CCSER1: variants seen among roughly 807,000 people sequenced by gnomAD.
The protein encoded by CCSER1 is coiled-coil serine rich protein 1, also known as serine-rich coiled-coil domain-containing protein 1.
In CCSER1, 41 loss-of-function variants were observed where a neutral mutation model predicts 82.0. The ratio of observed to expected loss-of-function variants is 0.50; its 90% CI spans 0.39 to 0.65. The LOEUF (loss-of-function observed/expected upper bound fraction) is 0.65, where lower values mean the gene tolerates loss of function less well. CCSER1 is among the 30% of genes least tolerant of loss of function. The pLI is 0.00. For synonymous variants in CCSER1, 414 were observed against 383.9 expected, an observed-to-expected ratio of 1.08 and a Z score of -0.92; for missense variants, 1,119 against 1,064.2, an observed-to-expected ratio of 1.05 and a Z score of -0.72.
At chr4:91,411,491 C>CATATATGTATAT (rs1753021920) in intron 10 of CCSER1, among the ~76,000 whole-genome samples, 1 of 53,812 alleles carries the variant, frequency 1.9e-5, no homozygotes, top group African/African-American at 8.0e-5. Flanking sequence ...TGCATATATA[C>CATATATGTATAT]ATATATATAT....
intron 5 of CCSER1, among the ~76,000 whole-genome samples, chr4:90,627,089 T>C (rs553383718): frequency 2.6e-5 from 4 of 152,306 alleles, no homozygotes; most frequent in African/African-American, 9.6e-5. Context: ...CATAATTTTT[T>C]ATTCCTTATT....
intron 3 of CCSER1, among the ~76,000 whole-genome samples, chr4:90,317,111 G>T (rs921240730): frequency 1.3e-5 from 2 of 152,070 alleles, no homozygotes; most frequent in African/African-American, 4.8e-5. Flanking sequence ...CCAGACTATG[G>T]TATATAAATG....
chr4:91,171,331 G>C (rs748542349), intron 10 of CCSER1, among the ~76,000 whole-genome samples: 1 of 152,112 alleles, frequency 6.6e-6, no homozygotes, highest in Non-Finnish European at 1.5e-5. Context: ...CTAATTGTTT[G>C]TTATAAATAA....
intron 1 of CCSER1, among the ~76,000 whole-genome samples, chr4:90,174,553 T>G (rs1430411691): frequency 1.3e-5 from 2 of 151,986 alleles, no homozygotes; most frequent in Non-Finnish European, 2.9e-5. Flanking sequence ...CCTGGTGGAT[T>G]CTCTGTAATG....
At chr4:90,913,218 T>C (rs574182213) in intron 8 of CCSER1, among the ~76,000 whole-genome samples, 16 of 152,154 alleles carry the variant, frequency 1.1e-4, no homozygotes, top group African/African-American at 2.6e-4. Flanking sequence ...GGAAAAAATG[T>C]TGATGTTAAG....
chr4:90,154,272 G>A (rs1301568408), intron 1 of CCSER1, among the ~76,000 whole-genome samples: 1 of 152,174 alleles, frequency 6.6e-6, no homozygotes, highest in Admixed American at 6.5e-5. Flanking sequence ...TGCTGTTTTG[G>A]TTACTGTAGC....
chr4:91,451,153 AC>A (rs1183320807), intron 10 of CCSER1, among the ~76,000 whole-genome samples: 3 of 152,032 alleles, frequency 2.0e-5, no homozygotes, highest in Non-Finnish European at 4.4e-5. Context: ...GTTTGGGCTT[AC>A]TTTATAAAAT....
At chr4:91,329,089 A>G (rs1234513101) in intron 10 of CCSER1, among the ~76,000 whole-genome samples, 4 of 152,180 alleles carry the variant, frequency 2.6e-5, no homozygotes, top group African/African-American at 9.6e-5. Context: ...TCTCAGTTTT[A>G]TCTTTATTAG....
At chr4:90,303,909 A>T (rs1180513055) in intron 1 of CCSER1, among the ~76,000 whole-genome samples, 3 of 151,980 alleles carry the variant, frequency 2.0e-5, no homozygotes, top group Non-Finnish European at 2.9e-5. Flanking sequence ...TCATCTGACA[A>T]AGGGCTAATA....
At chr4:91,196,144 T>G (rs1142244) in intron 10 of CCSER1, among the ~76,000 whole-genome samples, 3 of 131,196 alleles carry the variant, frequency 2.3e-5, no homozygotes, top group Non-Finnish European at 3.0e-5. Flanking sequence ...CAGAGATTGC[T>G]CCACAGCAGT....
intron 10 of CCSER1, among the ~76,000 whole-genome samples, chr4:91,253,637 A>C (rs1051105765): frequency 1.3e-5 from 2 of 152,232 alleles, no homozygotes; most frequent in African/African-American, 4.8e-5. Context: ...ATAAGATATA[A>C]AAATTTAAAC....
chr4:90,209,769 GTT>G (rs558737681), intron 1 of CCSER1, among the ~76,000 whole-genome samples: 4 of 129,044 alleles, frequency 3.1e-5, no homozygotes, highest in Non-Finnish European at 5.1e-5. Flanking sequence ...TTTGTCTAGT[GTT>G]TTTTTTTTTT....
rs10023708 is a variant in CCSER1 at position 90,282,573 on chromosome 4, A to G, written c.-41-25671A>G. On this transcript the variant is annotated intron_variant, in intron 1 of 10. Transcript: ENST00000509176. ...TGAGTGGTTAAATAAATGTAAGTAT[A>G]AATATAGAACTAAACTTGAGGCTTA... Among the ~76,000 whole-genome samples the G allele has an allele frequency of 6.4e-3, 969 of 151,986 alleles. 9 individuals are homozygous for G. Among genetic ancestry groups the G allele is most frequent in the African/African-American group, 0.023 (940 of 41,542 alleles).
intron 4 of CCSER1, among the ~76,000 whole-genome samples, chr4:90,439,395 T>C (rs1759529706): frequency 6.6e-6 from 1 of 152,218 alleles, no homozygotes. Flanking sequence ...GTTATTGTTG[T>C]TATAAACTTT....
intron 5 of CCSER1, among the ~76,000 whole-genome samples, chr4:90,575,171 T>A (rs1165196302): frequency 1.3e-5 from 2 of 152,342 alleles, no homozygotes; most frequent in East Asian, 3.9e-4. Flanking sequence ...AATTTTATGT[T>A]GCTATAACAA....
intron 9 of CCSER1, among the ~76,000 whole-genome samples, chr4:91,004,425 CT>C (rs1397750907): frequency 6.6e-6 from 1 of 152,188 alleles, no homozygotes; most frequent in Non-Finnish European, 1.5e-5. Flanking sequence ...TAAAAATAGC[CT>C]TTTTAGTAAA....
chr4:91,588,287 TAGTA>T lies in CCSER1; in HGVS notation c.2218-10281_2218-10278del, dbSNP rs774105725. On this transcript the variant is annotated intron_variant, in intron 10 of 10. Coordinates refer to ENST00000509176, the MANE Select transcript of CCSER1 (RefSeq NM_001145065.2). Reference sequence around the variant, plus strand: ...AGCCTTAGATTTTTTTTTCACTCTATAGTAAGTGTTTCTAACACTCATAAACTCA... The same window carrying T: ...AGCCTTAGATTTTTTTTTCACTCTATAGTGTTTCTAACACTCATAAACTCA... Among the ~76,000 whole-genome samples, 28 of 151,666 alleles carry T rather than the reference TAGTA, an allele frequency of 1.8e-4. 1 individual carries two copies. Among genetic ancestry groups the T allele is most frequent in the Non-Finnish European group, 3.1e-4 (21 of 67,684 alleles).
intron 4 of CCSER1, among the ~76,000 whole-genome samples, chr4:90,441,318 A>AG (rs1759845267): frequency 6.6e-6 from 1 of 152,112 alleles, no homozygotes. Context: ...CCTAAACAAT[A>AG]GATATTTATT....
intron 6 of CCSER1, among the ~76,000 whole-genome samples, chr4:90,640,667 T>C (rs987483929): frequency 1.3e-5 from 2 of 152,144 alleles, no homozygotes; most frequent in South Asian, 2.1e-4. Flanking sequence ...AATTGAATCA[T>C]GGGGATGATT....
Sources: gnomAD v4.1 joint callset for allele counts (sites outside exome capture counted in the v4.1 genomes callset) on GRCh38, gnomAD v4.1.1 for gene constraint, MANE v1.5 for transcripts, NCBI Gene and HGNC (gene_info 2026-07-23, HGNC 2026-07-21) for gene names.